Variants in XPO6 observed in about 807,000 individuals in gnomAD.
The protein encoded by XPO6 is exportin-6.
In XPO6, 3 loss-of-function variants were observed where a neutral mutation model predicts 130.0. That is an observed-to-expected ratio of 0.02 (90% confidence interval 0.01 to 0.06). XPO6 has a LOEUF of 0.06. Ranked by LOEUF, XPO6 falls within the 10% of genes least tolerant of loss-of-function variation. XPO6 has a pLI of 1.00. For synonymous variants in XPO6, 524 were observed against 548.9 expected, an observed-to-expected ratio of 0.95 and a Z score of 0.63; for missense variants, 970 against 1,393.0, an observed-to-expected ratio of 0.70 and a Z score of 4.83.
chr16:28,206,052 A>AAC (rs1555532376), intron 1 of XPO6, among the ~76,000 whole-genome samples: 1 of 151,134 alleles, frequency 6.6e-6, no homozygotes, highest in East Asian at 1.9e-4. Context: ...AAAAAAAAAA[A>AAC]AACTGCCTCT....
At chr16:28,163,748 A>C (rs2043313804) in intron 6 of XPO6, among the ~76,000 whole-genome samples, 1 of 152,230 alleles carries the variant, frequency 6.6e-6, no homozygotes, top group African/African-American at 2.4e-5. Flanking sequence ...CAGGGGAAGA[A>C]GGAAGTGGAC....
At chr16:28,188,548 C>T (rs1382246729) in intron 1 of XPO6, among the ~76,000 whole-genome samples, 1 of 151,954 alleles carries the variant, frequency 6.6e-6, no homozygotes, top group African/African-American at 2.4e-5. Flanking sequence ...CGGTGTGTTA[C>T]AACACATGCG....
intron 6 of XPO6, among the ~76,000 whole-genome samples, chr16:28,163,401 A>T (rs2043307981): frequency 6.6e-6 from 1 of 152,234 alleles, no homozygotes; most frequent in Non-Finnish European, 1.5e-5. Flanking sequence ...GAAACTATAT[A>T]TCATGTGCAT....
intron 1 of XPO6, among the ~76,000 whole-genome samples, chr16:28,196,834 C>G (rs2043872025): frequency 1.3e-5 from 2 of 152,224 alleles, no homozygotes; most frequent in Admixed American, 6.5e-5. Flanking sequence ...TCTCTGCACA[C>G]AGATTCCCCT....
chr16:28,187,317 A>G (rs1445853481), intron 1 of XPO6, among the ~76,000 whole-genome samples: 1 of 152,148 alleles, frequency 6.6e-6, no homozygotes, highest in Non-Finnish European at 1.5e-5. Flanking sequence ...AGATCAGGTC[A>G]TTTACATCTT....
chr16:28,177,704 T>C (rs140524976), intron 2 of XPO6, among the ~76,000 whole-genome samples: 1 of 152,334 alleles, frequency 6.6e-6, no homozygotes, highest in East Asian at 1.9e-4. Context: ...AGCTACATTC[T>C]AGGGCCTCGC....
In XPO6 at chr16:28,208,330, A is replaced by T. The variant is rs574657482; in HGVS notation, c.3+3036T>A. Among the ~76,000 whole-genome samples, 3 of 152,334 alleles carry T rather than the reference A, an allele frequency of 2.0e-5. No individual in the cohort carries two copies. In the South Asian group the frequency reaches 6.2e-4, roughly 32 times the overall value. ...AATACCCTTAAAAGTAAAAATGTTA[A>T]GTCAGCAAGAAATGGAGAGGAAATA... On this transcript the variant is annotated intron_variant, in intron 1 of 23. Transcript: ENST00000304658.
chr16:28,181,648 G>C (rs1359893624), intron 1 of XPO6, among the ~76,000 whole-genome samples: 2 of 152,048 alleles, frequency 1.3e-5, no homozygotes, highest in African/African-American at 4.8e-5. Flanking sequence ...AAAGCAATGG[G>C]ACTACAAGTG....
chr16:28,146,227 C>A, intron 8 of XPO6, 24 bp from the exon 9 acceptor site: 2 of 1,518,210 alleles, frequency 1.3e-6, no homozygotes, highest in Non-Finnish European at 1.8e-6. Flanking sequence ...AAAATCCAGA[C>A]AATGAAATTA....
In XPO6 at chr16:28,117,471, A is replaced by C; in HGVS notation, c.1860-9T>G. 1.9e-6 allele frequency: 3 copies of C among 1,609,732 alleles called. No individual in the cohort carries two copies. Among genetic ancestry groups the C allele is most frequent in the Non-Finnish European group, 2.6e-6 (3 of 1,176,290 alleles). ...CCAGGGACTGAGCATGCCTGCAGAA[A>C]GAAAAGAAGATGTGATTTTAAAGGT... On this transcript the variant is annotated splice_polypyrimidine_tract_variant and intron_variant, in intron 14 of 23. Transcript: ENST00000304658.
intron 1 of XPO6, among the ~76,000 whole-genome samples, chr16:28,205,075 C>G (rs2044006417): frequency 6.6e-6 from 1 of 151,800 alleles, no homozygotes; most frequent in Non-Finnish European, 1.5e-5. Context: ...AATTAATGAG[C>G]AAAGGGAAAG....
At chr16:28,158,763 G>A (rs1423405860) in intron 6 of XPO6, among the ~76,000 whole-genome samples, 1 of 152,172 alleles carries the variant, frequency 6.6e-6, no homozygotes, top group African/African-American at 2.4e-5. Context: ...TACTGGAGTA[G>A]AGCCTGAAGG....
intron 17 of XPO6, 152 bp downstream of exon 17, chr16:28,111,665 C>A (rs2086924635): frequency 2.8e-6 from 2 of 721,608 alleles, no homozygotes; most frequent in Non-Finnish European, 4.4e-6. Context: ...GTAGCAGGAT[C>A]CCACCCCCAA....
intron 1 of XPO6, among the ~76,000 whole-genome samples, chr16:28,200,403 A>C (rs2043936351): frequency 6.6e-6 from 1 of 152,164 alleles, no homozygotes; most frequent in African/African-American, 2.4e-5. Context: ...ACTCAAAGAA[A>C]TCAAGCAATC....
At chr16:28,204,526 G>C (rs1339641823) in intron 1 of XPO6, among the ~76,000 whole-genome samples, 1 of 152,092 alleles carries the variant, frequency 6.6e-6, no homozygotes, top group Non-Finnish European at 1.5e-5. Context: ...CAGCCAGTGA[G>C]AGCTAAAGGA....
chr16:28,135,356 G>A, intron 9 of XPO6, 32 bp from the exon 10 acceptor site: 1 of 1,591,762 alleles, frequency 6.3e-7, no homozygotes, highest in Non-Finnish European at 8.6e-7. Flanking sequence ...AACATTGAAA[G>A]GAGGCTTTCA....
intron 4 of XPO6, among the ~76,000 whole-genome samples, chr16:28,174,973 T>A (rs1437772766): frequency 6.6e-6 from 1 of 152,188 alleles, no homozygotes; most frequent in African/African-American, 2.4e-5. Flanking sequence ...TGATCCCAGA[T>A]CCACACTTCC....
intron 6 of XPO6, among the ~76,000 whole-genome samples, chr16:28,158,527 T>A (rs777046773): frequency 3.9e-5 from 6 of 152,254 alleles, no homozygotes; most frequent in Admixed American, 1.3e-4. Flanking sequence ...AATGGGTTCA[T>A]CACAGATATT....
In XPO6 at chr16:28,132,884, T is replaced by C. The variant is rs557619503; in HGVS notation, c.1537-481A>G. On this transcript the variant is annotated intron_variant, in intron 11 of 23. Transcript: ENST00000304658. This position sits in a 1 kb window ranked among gnomAD's most constrained non-coding sequence, Gnocchi z 4.0. ...TTGGAAGTCAGTTCCCTGGCTCAAG[T>C]AGCGGTCAGAACGTCATAACCGGAG... Among the ~76,000 whole-genome samples the C allele has an allele frequency of 6.6e-6, 1 of 152,336 alleles. No homozygotes were observed. Among genetic ancestry groups the C allele is most frequent in the South Asian group, 2.1e-4 (1 of 4,824 alleles).
Sources: allele counts gnomAD v4.1 joint callset (sites outside exome capture counted in the v4.1 genomes callset), GRCh38; gene constraint gnomAD v4.1.1; non-coding constraint Gnocchi (gnomAD v3.1); transcripts MANE v1.5; gene names NCBI Gene and HGNC (gene_info 2026-07-23, HGNC 2026-07-21).